The following KRIT1 variants were observed in gnomAD, a reference collection of about 807,000 sequenced individuals.
KRIT1 encodes krev interaction trapped protein 1.
KRIT1 carries 45 observed loss-of-function variants against 95.8 expected under a neutral mutation model. The observed-to-expected ratio is 0.47, with a 90% CI of 0.37 to 0.60. The LOEUF (loss-of-function observed/expected upper bound fraction) is 0.60. Among genes scored for constraint, KRIT1 ranks in the 20% least tolerant of loss-of-function variants. KRIT1 has a pLI of 0.00. For missense variants in KRIT1, 788 were observed against 877.5 expected (o/e 0.90, Z 1.29); for synonymous variants, 282 against 278.8 (o/e 1.01, Z -0.11).
chr7:92,209,163 C>T (rs1221840255), intron 17 of KRIT1, among the ~76,000 whole-genome samples: 2 of 151,678 alleles, frequency 1.3e-5, no homozygotes, highest in East Asian at 1.9e-4. Flanking sequence ...AAAAAAAAAC[C>T]TCTCAGCGAA....
At chr7:92,240,636 A>G (rs1045527885) in intron 5 of KRIT1, among the ~76,000 whole-genome samples, 1 of 152,196 alleles carries the variant, frequency 6.6e-6, no homozygotes, top group African/African-American at 2.4e-5. Context: ...TTGGTAATTT[A>G]CAGGACTTTC....
At chr7:92,227,855 T>C (rs990562558) in intron 10 of KRIT1, among the ~76,000 whole-genome samples, 2 of 151,810 alleles carry the variant, frequency 1.3e-5, no homozygotes, top group Admixed American at 6.6e-5. Flanking sequence ...CTATTAAAAA[T>C]ACAAAAATTA....
At chr7:92,213,761 T>C (rs1278175912) in intron 16 of KRIT1, 131 bp downstream of exon 16, 8 of 670,028 alleles carry the variant, frequency 1.2e-5, no homozygotes, top group South Asian at 6.8e-5. Context: ...ATTTCAAGCA[T>C]TGTGAACTAG....
chr7:92,221,110 T>C (rs527246298), intron 14 of KRIT1, among the ~76,000 whole-genome samples: 3 of 152,302 alleles, frequency 2.0e-5, no homozygotes, highest in East Asian at 1.9e-4. Flanking sequence ...TCTCATTTTT[T>C]ACTATGTATA....
chr7:92,214,816 T>A (rs1793620293), intron 14 of KRIT1, 39 bp from the exon 15 acceptor site: 1 of 1,399,210 alleles, frequency 7.1e-7, no homozygotes, highest in Non-Finnish European at 1.0e-6. Flanking sequence ...TAGGCTACAA[T>A]TTCTTTTTAC....
intron 8 of KRIT1, among the ~76,000 whole-genome samples, 171 bp from the exon 9 acceptor site, chr7:92,235,094 G>C (rs1798123973): frequency 6.6e-6 from 1 of 152,144 alleles, no homozygotes; most frequent in Non-Finnish European, 1.5e-5. Flanking sequence ...CCGCCTCCCA[G>C]GTTCAAGCGA....
chr7:92,225,530 T>C (rs1435698904), intron 12 of KRIT1, among the ~76,000 whole-genome samples, 190 bp downstream of exon 12: 1 of 152,152 alleles, frequency 6.6e-6, no homozygotes, highest in Non-Finnish European at 1.5e-5. Context: ...CTTGACCTTG[T>C]GATCTGCCTG....
At chr7:92,208,048 A>G (rs2131223451) in intron 17 of KRIT1, among the ~76,000 whole-genome samples, 1 of 152,280 alleles carries the variant, frequency 6.6e-6, no homozygotes, top group South Asian at 2.1e-4. Flanking sequence ...ATCAGTAACA[A>G]AAGAAATTTT....
At chr7:92,220,994 T>G (rs890283981) in intron 14 of KRIT1, among the ~76,000 whole-genome samples, 1 of 151,920 alleles carries the variant, frequency 6.6e-6, no homozygotes, top group Non-Finnish European at 1.5e-5. Context: ...GGTCCATTCA[T>G]CCTTCTTATG....
intron 14 of KRIT1, among the ~76,000 whole-genome samples, chr7:92,215,661 G>C (rs771544983): frequency 1.1e-4 from 16 of 150,866 alleles, no homozygotes; most frequent in Non-Finnish European, 1.8e-4. Flanking sequence ...GAAGACAGAA[G>C]GTCTTGCCAT....
upstream of KRIT1, chr7:92,246,024 A>G (rs1585060055): frequency 3.9e-6 from 1 of 256,172 alleles, no homozygotes; most frequent in South Asian, 3.5e-5. Context: ...CTGGACCTGC[A>G]GTCTCTCAGG....
chr7:92,201,565 T>C (rs188931807), intron 17 of KRIT1, 142 bp from the exon 18 acceptor site: 1 of 646,090 alleles, frequency 1.5e-6, no homozygotes, highest in Non-Finnish European at 2.8e-6. Flanking sequence ...CTTTAAGTTC[T>C]GGGGTACACG....
chr7:92,212,408 A>G (rs1334223603), intron 17 of KRIT1, among the ~76,000 whole-genome samples: 2 of 152,178 alleles, frequency 1.3e-5, no homozygotes, highest in Non-Finnish European at 2.9e-5. Context: ...CTGCCTCCCA[A>G]AATTGGTATG....
At chr7:92,230,913 T>G (rs1563291029) in intron 10 of KRIT1, among the ~76,000 whole-genome samples, 2 of 152,064 alleles carry the variant, frequency 1.3e-5, no homozygotes, top group Non-Finnish European at 2.9e-5. Flanking sequence ...ACGTTTAGAA[T>G]AGCTTGGAAG....
intron 17 of KRIT1, among the ~76,000 whole-genome samples, chr7:92,212,119 T>C (rs938060598): frequency 3.3e-5 from 5 of 151,746 alleles, no homozygotes; most frequent in Non-Finnish European, 7.4e-5. Context: ...AATAAATACA[T>C]AAATAAAAAA....
chr7:92,208,160 T>C (rs1291372322), intron 17 of KRIT1, among the ~76,000 whole-genome samples: 1 of 151,858 alleles, frequency 6.6e-6, no homozygotes, highest in Admixed American at 6.6e-5. Flanking sequence ...TCAAATGCAA[T>C]GAAAATGAAA....
At chr7:92,228,155 T>C (rs1192236638) in intron 10 of KRIT1, among the ~76,000 whole-genome samples, 1 of 152,134 alleles carries the variant, frequency 6.6e-6, no homozygotes, top group Non-Finnish European at 1.5e-5. Flanking sequence ...ATGCCCAGCC[T>C]GAACTGAATT....
At chr7:92,216,738 T>C (rs545263615) in intron 14 of KRIT1, among the ~76,000 whole-genome samples, 38 of 152,336 alleles carry the variant, frequency 2.5e-4, no homozygotes, top group African/African-American at 7.9e-4. Flanking sequence ...TATTACTTTT[T>C]AATATGCCTA....
chr7:92,225,288 T>A (rs1244195968), intron 12 of KRIT1, among the ~76,000 whole-genome samples: 1 of 152,196 alleles, frequency 6.6e-6, no homozygotes, highest in South Asian at 2.1e-4. Context: ...ATGTTAGGGA[T>A]AATGCAGTCT....
Sources: gnomAD v4.1 joint callset for allele counts (sites outside exome capture counted in the v4.1 genomes callset) on GRCh38, gnomAD v4.1.1 for gene constraint, MANE v1.5 for transcripts, NCBI Gene and HGNC (gene_info 2026-07-23, HGNC 2026-07-21) for gene names.